The following PDE4D variants were observed in gnomAD, a reference collection of about 807,000 sequenced individuals.
PDE4D encodes the protein phosphodiesterase 4D, also known as 3',5'-cyclic-AMP phosphodiesterase 4D.
In PDE4D, 24 loss-of-function variants were observed where a neutral mutation model predicts 87.4. The ratio of observed to expected loss-of-function variants is 0.27; its 90% confidence interval spans 0.20 to 0.39. The LOEUF (loss-of-function observed/expected upper bound fraction) is 0.39. PDE4D is among the 10% of genes least tolerant of loss of function. The pLI, the probability that PDE4D is intolerant of heterozygous loss-of-function variation, is 1.00. For synonymous variants in PDE4D, 384 were observed against 383.2 expected, an observed-to-expected ratio of 1.00 and a Z score of -0.02; for missense variants, 714 against 1,041.0, an observed-to-expected ratio of 0.69 and a Z score of 4.32.
At chr5:59,499,758 T>C (rs1807935551) in intron 1 of PDE4D, among the ~76,000 whole-genome samples, 1 of 151,780 alleles carries the variant, frequency 6.6e-6, no homozygotes, top group Non-Finnish European at 1.5e-5. Flanking sequence ...CAATAACAAG[T>C]AATGAAATTG....
intron 1 of PDE4D, among the ~76,000 whole-genome samples, chr5:60,348,925 T>C (rs1177584018): frequency 1.3e-5 from 2 of 152,152 alleles, no homozygotes. Context: ...AGGTTAATGC[T>C]TTTAATATTA....
intron 1 of PDE4D, among the ~76,000 whole-genome samples, chr5:60,480,662 C>T (rs1748660435): frequency 6.6e-6 from 1 of 152,042 alleles, no homozygotes; most frequent in African/African-American, 2.4e-5. Flanking sequence ...CCTTTTGCAC[C>T]AATAATTGCT....
At chr5:60,170,983 T>C (rs1251427304) in intron 2 of PDE4D, among the ~76,000 whole-genome samples, 2 of 152,044 alleles carry the variant, frequency 1.3e-5, no homozygotes, top group Admixed American at 1.3e-4. Flanking sequence ...AAAATATGTA[T>C]CTGGCAGCAC....
chr5:59,054,892 C>T (rs187286470), intron 5 of PDE4D, among the ~76,000 whole-genome samples: 2 of 152,276 alleles, frequency 1.3e-5, no homozygotes, highest in Admixed American at 1.3e-4. Flanking sequence ...CCCTCTTCCT[C>T]CCTTTTTATA....
intron 2 of PDE4D, among the ~76,000 whole-genome samples, chr5:59,203,876 G>T (rs1748126287): frequency 6.6e-6 from 1 of 152,152 alleles, no homozygotes; most frequent in African/African-American, 2.4e-5. Flanking sequence ...ATGTGGAATG[G>T]GAGATGTTGG....
rs541491224 is a variant in PDE4D at position 60,036,874 on chromosome 5, C to A, written c.43-48157G>T. ...AACTGTGCTTTGTCTATAAATGGTC[C>A]TAGAATTTCATTCATAATTTTGGAA... is the stretch of plus-strand genomic sequence containing the variant. On this transcript the variant is annotated intron_variant, in intron 2 of 16. Transcript: ENST00000502484. 9.9e-5 allele frequency among the ~76,000 whole-genome samples: 15 copies of A among 152,234 alleles called. No homozygotes were observed. The South Asian group carries it at 2.5e-3, about 25-fold the overall frequency.
At chr5:60,212,231 G>T (rs575417363) in intron 1 of PDE4D, among the ~76,000 whole-genome samples, 2 of 152,126 alleles carry the variant, frequency 1.3e-5, no homozygotes, top group East Asian at 3.9e-4. Flanking sequence ...TCACAGACTG[G>T]TAAATTTGCC....
intron 1 of PDE4D, among the ~76,000 whole-genome samples, chr5:59,883,850 C>T (rs910208029): frequency 6.6e-6 from 1 of 152,104 alleles, no homozygotes; most frequent in African/African-American, 2.4e-5. Flanking sequence ...ATACTATTTT[C>T]ATGCCATTTT....
At chr5:59,166,401 C>G (rs1251550328) in intron 5 of PDE4D, 1 of 152,156 alleles carries the variant, frequency 6.6e-6, no homozygotes, top group Non-Finnish European at 1.5e-5. Flanking sequence ...GTACCCTCAA[C>G]AGTTTCCAGT....
Position 60,110,659 on chromosome 5 carries a change from C to T in PDE4D, c.42+74898G>A, listed in dbSNP as rs188490250. On this transcript the variant is annotated intron_variant, in intron 2 of 16. Coordinates refer to the PDE4D transcript ENST00000502484. ...AGCAATCCCATTACTGGGTATCTAT[C>T]CAAAGGAAAGGAAACCAATATATCA... is the stretch of plus-strand genomic sequence containing the variant. Among the ~76,000 whole-genome samples the T allele has an allele frequency of 3.0e-4, 45 of 152,032 alleles. No homozygotes were observed. In the East Asian group the frequency reaches 7.4e-3, roughly 25 times the overall value.
intron 5 of PDE4D, among the ~76,000 whole-genome samples, chr5:59,089,727 T>C (rs1412884997): frequency 6.6e-6 from 1 of 152,162 alleles, no homozygotes; most frequent in Non-Finnish European, 1.5e-5. Flanking sequence ...AAATTAGCCA[T>C]ATAATAGTAG....
At chr5:59,774,866 C>T (rs1338769924) in intron 1 of PDE4D, among the ~76,000 whole-genome samples, 2 of 151,626 alleles carry the variant, frequency 1.3e-5, no homozygotes, top group African/African-American at 2.4e-5. Flanking sequence ...GGCTAATTTT[C>T]GTGTTTTTAG....
intron 3 of PDE4D, among the ~76,000 whole-genome samples, chr5:59,979,066 T>C (rs1313637396): frequency 6.6e-6 from 1 of 152,172 alleles, no homozygotes; most frequent in Non-Finnish European, 1.5e-5. Flanking sequence ...TATTGTGATA[T>C]TTGCTTTATT....
chr5:60,467,637 C>T (rs1035956706), intron 1 of PDE4D, among the ~76,000 whole-genome samples: 4 of 152,060 alleles, frequency 2.6e-5, no homozygotes, highest in Non-Finnish European at 5.9e-5. Flanking sequence ...TCTATTAGTC[C>T]GTTTTCACAC....
In PDE4D at chr5:60,501,570, C is replaced by A. The variant is rs575687870; in HGVS notation, n.70+20481G>T. The stretch of plus-strand genomic sequence containing the variant: ...TTCTAGTTCTAGATCCCTGAGGAAT[C>A]GCCACACTGACTTCCACAATGGTTG... On this transcript the variant is annotated intron_variant and non_coding_transcript_variant, in intron 1 of 2. Coordinates refer to the PDE4D transcript ENST00000506510. 2.2e-3 allele frequency among the ~76,000 whole-genome samples: 331 copies of A among 151,410 alleles called. 1 individual carries two copies. Among genetic ancestry groups the A allele is most frequent in the African/African-American group, 7.8e-3 (322 of 41,222 alleles).
intron 5 of PDE4D, among the ~76,000 whole-genome samples, chr5:59,134,910 G>GA (rs1305033684): frequency 6.6e-6 from 1 of 152,096 alleles, no homozygotes; most frequent in Non-Finnish European, 1.5e-5. Flanking sequence ...TACCTTTTAT[G>GA]ACTACTTTCT....
intron 2 of PDE4D, among the ~76,000 whole-genome samples, chr5:60,170,808 C>T (rs369666468): frequency 6.6e-6 from 1 of 151,922 alleles, no homozygotes; most frequent in East Asian, 1.9e-4. Context: ...ATATCTCTGA[C>T]TCTTTAATTT....
rs138586297 is a variant in PDE4D at position 60,259,647 on chromosome 5, T to C, written c.-89-73960A>G. Among the ~76,000 whole-genome samples, 343 of 152,216 alleles carry C rather than the reference T, an allele frequency of 2.3e-3. 3 individuals carry two copies. Among genetic ancestry groups the C allele is most frequent in the African/African-American group, 7.9e-3 (329 of 41,562 alleles). ...CACTCTATAATAACATTTTCTGTGA[T>C]AGGGAAGCTGAAAACTTTCAAGGCA... On this transcript the variant is annotated intron_variant, in intron 1 of 16. Transcript: ENST00000502484.
chr5:59,659,103 G>A (rs370545698), intron 1 of PDE4D, among the ~76,000 whole-genome samples: 1 of 152,170 alleles, frequency 6.6e-6, no homozygotes, highest in African/African-American at 2.4e-5. Context: ...CACCGTCAAA[G>A]GAGATCCTTA....
Sources: allele counts gnomAD v4.1 joint callset (sites outside exome capture counted in the v4.1 genomes callset), GRCh38; gene constraint gnomAD v4.1.1; transcripts MANE v1.5; gene names NCBI Gene and HGNC (gene_info 2026-07-23, HGNC 2026-07-21).